FLRT2: variants seen among roughly 807,000 people sequenced by gnomAD.
FLRT2 encodes the protein fibronectin leucine rich transmembrane protein 2, also known as leucine-rich repeat transmembrane protein FLRT2.
FLRT2 carries 15 observed loss-of-function variants against 40.0 expected under a neutral mutation model. The ratio of observed to expected loss-of-function variants is 0.38; its 90% CI spans 0.25 to 0.58. The LOEUF (loss-of-function observed/expected upper bound fraction) is 0.58, where lower values mean the gene tolerates loss of function less well. Ranked by LOEUF, FLRT2 falls within the 20% of genes least tolerant of loss-of-function variation. FLRT2 has a pLI of 0.71. For synonymous variants in FLRT2, 380 were observed against 336.8 expected, an observed-to-expected ratio of 1.13 and a Z score of -1.41; for missense variants, 726 against 840.0, an observed-to-expected ratio of 0.86 and a Z score of 1.68.
Position 85,643,374 on chromosome 14 carries a change from CCTTT to C in FLRT2, c.*19883_*19886del, listed in dbSNP as rs1894212365. ...TTCTTTCTTCCTTCCTTCCTTCCTT[CCTTT>C]CTTTCCTTTCTCCTTTTTCTTTTTT... On this transcript the variant is annotated 3_prime_UTR_variant, in exon 2 of 2. Transcript: ENST00000330753. The C allele has an allele frequency of 8.6e-6, 1 of 116,332 alleles. No homozygotes were observed. Among genetic ancestry groups the C allele is most frequent in the East Asian group, 2.6e-4 (1 of 3,812 alleles). The allele number at this position is 116,332 out of a possible 1,614,324, so 7.2% of individuals were successfully genotyped here. A position where few individuals can be genotyped will look rare whatever the true frequency, so the allele number is the denominator to read the frequency against.
chr14:85,597,286 A>G (rs1595067966), intron 1 of FLRT2, among the ~76,000 whole-genome samples: 1 of 152,352 alleles, frequency 6.6e-6, no homozygotes, highest in Admixed American at 6.5e-5. Context: ...CTACATTTAT[A>G]TATACAATAC....
At chr14:85,592,789 C>CAAAAAAAAAAAAAAAA (rs34002874) in intron 1 of FLRT2, among the ~76,000 whole-genome samples, 1 of 90,718 alleles carries the variant, frequency 1.1e-5, no homozygotes, top group African/African-American at 4.7e-5. Context: ...AACTCCGTCT[C>CAAAAAAAAAAAAAAAA]AAAAAAAAAA....
At chr14:85,574,992 C>T (rs923985124) in intron 1 of FLRT2, among the ~76,000 whole-genome samples, 7 of 152,182 alleles carry the variant, frequency 4.6e-5, no homozygotes, top group South Asian at 2.1e-4. Flanking sequence ...CCAACAAAGT[C>T]GGGATTCATT....
chr14:85,621,381 G>A lies in FLRT2; in HGVS notation c.-134G>A, dbSNP rs921028966. On this transcript the variant is annotated 5_prime_UTR_variant, in exon 2 of 2. Transcript: ENST00000330753. ...CAGCAGGGAGATTATTTTACCATAC[G>A]CCCTCAGGACGTTCCCTCTAGCTGG... The A allele has an allele frequency of 7.4e-5, 54 of 732,970 alleles. No individual in the cohort carries two copies. Among genetic ancestry groups the A allele is most frequent in the African/African-American group, 4.8e-4 (27 of 56,310 alleles). 45.4% of individuals were successfully genotyped at this position (732,970 alleles called of 1,614,324 possible).
At chr14:85,609,594 C>A (rs567089245) in intron 1 of FLRT2, among the ~76,000 whole-genome samples, 3 of 152,176 alleles carry the variant, frequency 2.0e-5, no homozygotes, top group Admixed American at 2.0e-4. Flanking sequence ...TGAGTCCCCC[C>A]AAAAGACAAA....
At chr14:85,574,368 G>A (rs1012289628) in intron 1 of FLRT2, among the ~76,000 whole-genome samples, 10 of 152,000 alleles carry the variant, frequency 6.6e-5, no homozygotes, top group African/African-American at 9.6e-5. Context: ...TATGTCCCAC[G>A]CAATATTCGA....
At chr14:85,602,144 A>G (rs1186689791) in intron 1 of FLRT2, among the ~76,000 whole-genome samples, 2 of 152,224 alleles carry the variant, frequency 1.3e-5, no homozygotes, top group Admixed American at 6.5e-5. Context: ...ATTTGCACAT[A>G]TGTATTTACA....
In FLRT2 at chr14:85,639,803, C is replaced by T. The variant is rs886619868; in HGVS notation, c.*16306C>T. On this transcript the variant is annotated 3_prime_UTR_variant, in exon 2 of 2. Transcript: ENST00000330753. ...TTCAAATCAGGCTGTTTTCCCTCACCGCACCATGGTGCTTCACTAGCAGAA... is the reference window on the plus strand; with the variant it reads ...TTCAAATCAGGCTGTTTTCCCTCACTGCACCATGGTGCTTCACTAGCAGAA... The T allele has an allele frequency of 3.3e-5, 5 of 151,216 alleles. No homozygotes were observed. Among genetic ancestry groups the T allele is most frequent in the African/African-American group, 1.2e-4 (5 of 41,124 alleles). The allele number at this position is 151,216 out of a possible 1,614,324, so 9.4% of individuals were successfully genotyped here.
intron 1 of FLRT2, among the ~76,000 whole-genome samples, chr14:85,549,410 T>G (rs1889479340): frequency 6.6e-6 from 1 of 152,218 alleles, no homozygotes; most frequent in South Asian, 2.1e-4. Context: ...CTCACCTGTG[T>G]GCTACCCTGC....
At chr14:85,543,974 G>T (rs533845517) in intron 1 of FLRT2, among the ~76,000 whole-genome samples, 1 of 152,138 alleles carries the variant, frequency 6.6e-6, no homozygotes, top group Admixed American at 6.6e-5. Context: ...TCATCTCTGT[G>T]GTGCTAACAG....
At chr14:85,596,641 A>G (rs1892151417) in intron 1 of FLRT2, among the ~76,000 whole-genome samples, 1 of 152,210 alleles carries the variant, frequency 6.6e-6, no homozygotes, top group African/African-American at 2.4e-5. Flanking sequence ...TCGTCTTGCT[A>G]AAGACTTTTT....
At chr14:85,533,426 C>G (rs1007698811) in intron 1 of FLRT2, among the ~76,000 whole-genome samples, 2 of 152,016 alleles carry the variant, frequency 1.3e-5, no homozygotes, top group Non-Finnish European at 1.5e-5. Context: ...CCCGCCCCCG[C>G]GCAGCGCCGC....
chr14:85,560,779 T>G (rs1325675961), intron 1 of FLRT2: 1 of 151,676 alleles, frequency 6.6e-6, no homozygotes, highest in Non-Finnish European at 1.5e-5. Context: ...TATGCCAGTA[T>G]GGCTAGCCTG....
At position 85,638,371 on chromosome 14, in the gene FLRT2, G is replaced by A. The variant is rs1011566989; in HGVS notation, c.*14874G>A. 7 of 152,058 alleles carry A rather than the reference G, an allele frequency of 4.6e-5. No individual in the cohort carries two copies. The highest frequency in any genetic ancestry group is 2.1e-4 in the South Asian group (1 of 4,818). The allele number at this position is 152,058 out of a possible 1,614,324, so 9.4% of individuals were successfully genotyped here. Reference sequence around the variant, plus strand: ...CTTCCTGATGACTGATCAATATTGGGGTAGGAAGTCTTAGACATCTTACTC... The same window carrying A: ...CTTCCTGATGACTGATCAATATTGGAGTAGGAAGTCTTAGACATCTTACTC... On this transcript the variant is annotated 3_prime_UTR_variant, in exon 2 of 2. Transcript: ENST00000330753.
In FLRT2 at chr14:85,650,075, T is replaced by G. The variant is rs1008279026; in HGVS notation, c.*26578T>G. 2 of 152,044 alleles carry G rather than the reference T, an allele frequency of 1.3e-5. No individual in the cohort carries two copies. The highest frequency in any genetic ancestry group is 2.9e-5 in the Non-Finnish European group (2 of 67,948). The allele number at this position is 152,044 out of a possible 1,614,324, so 9.4% of individuals were successfully genotyped here. A position where few individuals can be genotyped will look rare whatever the true frequency, so the allele number is the denominator to read the frequency against. On this transcript the variant is annotated 3_prime_UTR_variant, in exon 2 of 2. Coordinates refer to ENST00000330753, the MANE Select transcript of FLRT2 (RefSeq NM_013231.6). The stretch of plus-strand genomic sequence containing the variant: ...TATTCATTAAAAATTACAAATACAA[T>G]TGAAGCCCTTGAACCCCTCACCTGT...
In FLRT2 at chr14:85,638,393, A is replaced by G. The variant is rs1894062412; in HGVS notation, c.*14896A>G. 6.6e-6 allele frequency: 1 copy of G among 151,990 alleles called. No homozygotes were observed. Among genetic ancestry groups the G allele is most frequent in the Non-Finnish European group, 1.5e-5 (1 of 68,020 alleles). The allele number at this position is 151,990 out of a possible 1,614,324, so 9.4% of individuals were successfully genotyped here. A position where few individuals can be genotyped will look rare whatever the true frequency, so the allele number is the denominator to read the frequency against. ...TGGGGTAGGAAGTCTTAGACATCTT[A>G]CTCCAGCTCAGATCAGCTCTGATGG... On this transcript the variant is annotated 3_prime_UTR_variant, in exon 2 of 2. Coordinates refer to ENST00000330753, the MANE Select transcript of FLRT2 (RefSeq NM_013231.6).
At chr14:85,535,361 A>T (rs1350465437) in intron 1 of FLRT2, among the ~76,000 whole-genome samples, 1 of 149,732 alleles carries the variant, frequency 6.7e-6, no homozygotes, top group Non-Finnish European at 1.5e-5. Context: ...CCCCAAAAAA[A>T]AAAAACAACA....
In FLRT2 at chr14:85,625,173, A is replaced by C. The variant is rs890095788; in HGVS notation, c.*1676A>C. On this transcript the variant is annotated 3_prime_UTR_variant, in exon 2 of 2. Coordinates refer to ENST00000330753, the MANE Select transcript of FLRT2 (RefSeq NM_013231.6). ...AGGGCTATAGATCACATACGTTATC[A>C]AAAACTACTCCCTTGGAAAAAATAT... The C allele has an allele frequency of 1.2e-5, 2 of 167,090 alleles. No homozygotes were observed. The allele number at this position is 167,090 out of a possible 1,614,324, so 10.4% of individuals were successfully genotyped here.
Position 85,623,656 on chromosome 14 carries a change from AT to A in FLRT2, c.*162del, listed in dbSNP as rs369829484. ...TTTATACGGTGTACTATATAATGGG[AT>A]TTAAAAAAAGTGCTATCTTTTCTAT... On this transcript the variant is annotated 3_prime_UTR_variant, in exon 2 of 2. Transcript: ENST00000330753. The A allele has an allele frequency of 6.5e-5, 35 of 537,528 alleles. No homozygotes were observed. The highest frequency in any genetic ancestry group is 1.6e-4 in the African/African-American group (8 of 51,116). The allele number at this position is 537,528 out of a possible 1,614,324, so 33.3% of individuals were successfully genotyped here.
Sources: gnomAD v4.1 joint callset for allele counts (sites outside exome capture counted in the v4.1 genomes callset) on GRCh38, gnomAD v4.1.1 for gene constraint, MANE v1.5 for transcripts, NCBI Gene and HGNC (gene_info 2026-07-23, HGNC 2026-07-21) for gene names.